The following GSN variants were observed in gnomAD, a reference collection of about 807,000 sequenced individuals.
GSN encodes actin-depolymerizing factor.
Under a neutral mutation model 85.7 loss-of-function variants are expected in GSN, and 56 were observed. The ratio of observed to expected loss-of-function variants is 0.65; its 90% CI spans 0.53 to 0.82. The LOEUF (loss-of-function observed/expected upper bound fraction) is 0.82, where lower values mean the gene tolerates loss of function less well. Ranked by LOEUF, GSN falls within the 40% of genes least tolerant of loss-of-function variation. GSN has a pLI of 0.00. For missense variants in GSN, 857 were observed against 979.8 expected (o/e 0.87, Z 1.67); for synonymous variants, 373 against 399.1 (o/e 0.93, Z 0.78).
At chr9:121,250,285 A>G (rs1011217407) in intron 6 of GSN, among the ~76,000 whole-genome samples, 1 of 149,044 alleles carries the variant, frequency 6.7e-6, no homozygotes, top group Non-Finnish European at 1.5e-5. Flanking sequence ...GCTCACTGCA[A>G]CCTCCGCCTC....
intron 1 of GSN, among the ~76,000 whole-genome samples, chr9:121,275,450 G>T (rs2056550743): frequency 6.6e-6 from 1 of 152,208 alleles, no homozygotes; most frequent in Non-Finnish European, 1.5e-5. Context: ...AAGGAAGCAG[G>T]TAGGGACAGA....
chr9:121,331,318 C>G, intron 16 of GSN, 70 bp from the exon 17 acceptor site: 4 of 944,858 alleles, frequency 4.2e-6, no homozygotes, highest in South Asian at 2.7e-5. Flanking sequence ...TGGCCCCTCC[C>G]CAGTCTTCCT....
chr9:121,204,562 C>T (rs1330106265), upstream of GSN, among the ~76,000 whole-genome samples: 1 of 152,110 alleles, frequency 6.6e-6, no homozygotes, highest in African/African-American at 2.4e-5. Context: ...GTGTATGTGA[C>T]CAGTTGCAGC....
At chr9:121,259,932 T>G (rs1005605022) in intron 6 of GSN, among the ~76,000 whole-genome samples, 2 of 152,202 alleles carry the variant, frequency 1.3e-5, no homozygotes, top group Non-Finnish European at 2.9e-5. Flanking sequence ...TTAAACTGTT[T>G]AAAGGCTCCT....
chr9:121,330,188 CAAA>C (rs761169430), intron 16 of GSN, among the ~76,000 whole-genome samples: 26 of 152,296 alleles, frequency 1.7e-4, no homozygotes, highest in Admixed American at 4.6e-4. Flanking sequence ...GTCTTGCAGG[CAAA>C]ATGCTGAGTG....
chr9:121,236,983 T>C (rs1484854859), intron 5 of GSN, among the ~76,000 whole-genome samples: 1 of 152,210 alleles, frequency 6.6e-6, no homozygotes, highest in Non-Finnish European at 1.5e-5. Flanking sequence ...GTAGAATGGC[T>C]ATAGGTTTTT....
intron 3 of GSN, 65 bp downstream of exon 3, chr9:121,302,232 A>C: frequency 6.4e-7 from 1 of 1,556,286 alleles, no homozygotes; most frequent in Non-Finnish European, 8.8e-7. Context: ...CCTTTGGGGC[A>C]TGGTCCCCAG....
At position 121,332,663 on chromosome 9, in the gene GSN, A is replaced by C. The variant is rs1001838675; in HGVS notation, c.*60A>C. 2.0e-5 allele frequency: 27 copies of C among 1,340,098 alleles called. No homozygotes were observed. The highest frequency in any genetic ancestry group is 2.5e-5 in the Non-Finnish European group (24 of 944,596). 83.0% of individuals were successfully genotyped at this position (1,340,098 alleles called of 1,614,324 possible). On this transcript the variant is annotated 3_prime_UTR_variant, in exon 18 of 18. Coordinates refer to ENST00000432226, the MANE Select transcript of GSN (RefSeq NM_198252.3). The surrounding 1 kb of genome is among the most constrained non-coding windows in gnomAD (Gnocchi z 4.8). ...GCCTTTTGGAACTGTCCTTCCCTCAAAGAGGCCTTAGAGCGAGCAGAGCAG... is the reference window on the plus strand; with the variant it reads ...GCCTTTTGGAACTGTCCTTCCCTCACAGAGGCCTTAGAGCGAGCAGAGCAG...
chr9:121,246,407 A>G (rs985940452), intron 5 of GSN, among the ~76,000 whole-genome samples: 5 of 152,218 alleles, frequency 3.3e-5, no homozygotes, highest in African/African-American at 4.8e-5. Context: ...TATGAATTCA[A>G]ATTTCTTAAC....
chr9:121,255,552 C>G (rs991935654), intron 6 of GSN, among the ~76,000 whole-genome samples: 1 of 152,228 alleles, frequency 6.6e-6, no homozygotes, highest in East Asian at 1.9e-4. Context: ...TCTATTCTTT[C>G]CCCTCTTTAT....
chr9:121,331,613 T>C, intron 17 of GSN, 165 bp downstream of exon 17: 1 of 615,188 alleles, frequency 1.6e-6, no homozygotes, highest in Non-Finnish European at 2.9e-6. Context: ...AAATCCTGCC[T>C]GGGATAGTGA....
intron 13 of GSN, 158 bp downstream of exon 13, chr9:121,326,840 T>C (rs1236496219): frequency 1.3e-6 from 1 of 795,442 alleles, no homozygotes; most frequent in Non-Finnish European, 2.3e-6. Flanking sequence ...CAGGGTTGTC[T>C]GTCTTAGACT....
chr9:121,314,954 C>T (rs1377401754), intron 7 of GSN, among the ~76,000 whole-genome samples: 10 of 152,294 alleles, frequency 6.6e-5, no homozygotes, highest in Middle Eastern at 3.4e-3. Flanking sequence ...CTCTGCCTAC[C>T]GGGCTCAAGC....
intron 8 of GSN, chr9:121,317,969 C>T: frequency 3.9e-6 from 1 of 258,638 alleles, no homozygotes; most frequent in Non-Finnish European, 7.6e-6. Context: ...AGGCCCAGCA[C>T]TGGCTGGCCA....
At chr9:121,248,944 T>C (rs1427987265) in intron 6 of GSN, among the ~76,000 whole-genome samples, 1 of 152,158 alleles carries the variant, frequency 6.6e-6, no homozygotes, top group South Asian at 2.1e-4. Context: ...GTTATGTTTT[T>C]AAGAAAGATC....
Position 121,321,260 on chromosome 9 carries a change from T to C in GSN, c.1192-8T>C, listed in dbSNP as rs1384135724. ...GCACAGCATCTGACTCCAGCTTTGC[T>C]CCTGCAGATCTGGAGAATCGAAGGT... On this transcript the variant is annotated splice_polypyrimidine_tract_variant and splice_region_variant and intron_variant, in intron 10 of 17. Coordinates refer to ENST00000432226, the MANE Select transcript of GSN (RefSeq NM_198252.3). 1 of 1,613,872 alleles carries C rather than the reference T, an allele frequency of 6.2e-7. No homozygotes were observed. The highest frequency in any genetic ancestry group is 8.5e-7 in the Non-Finnish European group (1 of 1,179,902).
At chr9:121,320,364 G>T (rs2062262522) in intron 10 of GSN, among the ~76,000 whole-genome samples, 1 of 152,238 alleles carries the variant, frequency 6.6e-6, no homozygotes, top group Non-Finnish European at 1.5e-5. Context: ...TTCCTGGCAG[G>T]CCCAGCACAG....
intron 6 of GSN, among the ~76,000 whole-genome samples, chr9:121,259,660 G>A (rs572091713): frequency 2.8e-4 from 43 of 152,264 alleles, no homozygotes; most frequent in Non-Finnish European, 4.9e-4. Context: ...GGCCACCAAC[G>A]CCAGGCTAAA....
intron 5 of GSN, among the ~76,000 whole-genome samples, chr9:121,243,018 A>G (rs1160838073): frequency 6.6e-6 from 1 of 152,178 alleles, no homozygotes; most frequent in Non-Finnish European, 1.5e-5. Flanking sequence ...TGCTGTAACA[A>G]ATTACCACAA....
Sources: allele counts gnomAD v4.1 joint callset (sites outside exome capture counted in the v4.1 genomes callset), GRCh38; gene constraint gnomAD v4.1.1; non-coding constraint Gnocchi (gnomAD v3.1); transcripts MANE v1.5; gene names NCBI Gene and HGNC (gene_info 2026-07-23, HGNC 2026-07-21).